HDAC2: variants seen among roughly 807,000 people sequenced by gnomAD.
HDAC2 encodes YY1-associated factor 1.
Under a neutral mutation model 68.5 loss-of-function variants are expected in HDAC2, and 5 were observed. That is an observed-to-expected ratio of 0.07 (90% CI 0.04 to 0.15). The LOEUF (loss-of-function observed/expected upper bound fraction) is 0.15, where lower values mean the gene tolerates loss of function less well. Among genes scored for constraint, HDAC2 ranks in the 10% least tolerant of loss-of-function variants. HDAC2 has a pLI of 1.00. For synonymous variants in HDAC2, 182 were observed against 191.3 expected (o/e 0.95, Z 0.40); for missense variants, 291 against 600.8 (o/e 0.48, Z 5.39).
intron 1 of HDAC2, among the ~76,000 whole-genome samples, chr6:113,960,377 G>GTC (rs1776654397): frequency 6.6e-6 from 1 of 151,884 alleles, no homozygotes; most frequent in East Asian, 1.9e-4. Flanking sequence ...GAGTTTTATT[G>GTC]GTATGATTTA....
chr6:113,948,080 TAGA>T (rs1271837855), intron 8 of HDAC2: 2 of 152,210 alleles, frequency 1.3e-5, no homozygotes, highest in Admixed American at 1.3e-4. Flanking sequence ...TCTTACACCC[TAGA>T]AGTTCATTCC....
Position 113,953,375 on chromosome 6 carries a change from C to T in HDAC2, c.541G>A (p.Gly181Ser). ...TAAAAAGCTTCTTCAACACCATCAC[C>T]ATGATGAATATCTATATCAATATAT... ...VLYIDIDIHH[G>S]DGVEEAFYTT... Residue 181 changes from glycine (G) to serine (S), a missense_variant, in exon 6 of 14, where the codon GGT becomes AGT. By Grantham distance (56) the Gly-to-Ser change is moderately conservative. Transcript: ENST00000519065. 6.4e-7 allele frequency: 1 copy of T among 1,565,674 alleles called. No homozygotes were observed. Among genetic ancestry groups the T allele is most frequent in the Non-Finnish European group, 8.8e-7 (1 of 1,136,402 alleles).
At chr6:113,953,071 A>G (rs1776460515) in intron 6 of HDAC2, among the ~76,000 whole-genome samples, 3 of 152,194 alleles carry the variant, frequency 2.0e-5, no homozygotes, top group Non-Finnish European at 2.9e-5. Flanking sequence ...AACAGCTGAG[A>G]AAAAAACTGT....
intron 1 of HDAC2, chr6:113,969,785 C>T (rs571219105): frequency 2.6e-5 from 4 of 152,246 alleles, no homozygotes; most frequent in South Asian, 4.2e-4. Flanking sequence ...ACACGGTGAC[C>T]TCAAATTTAC....
intron 10 of HDAC2, among the ~76,000 whole-genome samples, 165 bp downstream of exon 10, chr6:113,945,197 T>TAAA (rs34041761): frequency 1.5e-5 from 2 of 134,858 alleles, no homozygotes; most frequent in African/African-American, 5.6e-5. Flanking sequence ...AATTAAAAAT[T>TAAA]AAAAAAAAAA....
intron 11 of HDAC2, 88 bp downstream of exon 11, chr6:113,944,192 T>C: frequency 2.7e-6 from 3 of 1,129,264 alleles, no homozygotes; most frequent in Non-Finnish European, 4.0e-6. Context: ...CTCGTGAACA[T>C]GACTTTATAG....
intron 1 of HDAC2, chr6:113,970,350 A>C (rs1776954204): frequency 1.9e-6 from 1 of 535,272 alleles, no homozygotes; most frequent in South Asian, 7.8e-5. Flanking sequence ...GGCGAGGAGG[A>C]GGGAAGGGGA....
chr6:113,934,150 TA>T lies in HDAC2; in HGVS notation c.*6907del, dbSNP rs1235198932. 6.6e-6 allele frequency: 1 copy of T among 152,136 alleles called. No homozygotes were observed. The highest frequency in any genetic ancestry group is 1.9e-4 in the East Asian group (1 of 5,190). 9.4% of individuals were successfully genotyped at this position (152,136 alleles called of 1,614,324 possible). ...TTCATACCTATTACACATAAAGATA[TA>T]AAGGCATATTTTGGACTTTAAAGAG... On this transcript the variant is annotated 3_prime_UTR_variant, in exon 14 of 14. Coordinates refer to ENST00000519065, the MANE Select transcript of HDAC2 (RefSeq NM_001527.4).
chr6:113,971,059 A>AG lies in HDAC2; in HGVS notation c.-152dup. On this transcript the variant is annotated 5_prime_UTR_variant, in exon 1 of 14. Transcript: ENST00000519065. ...AAGGGCAGGCCGGTGGGAGGAGAGG[A>AG]GGGGGCGCCGGGAAGGCTCGGTACC... The AG allele has an allele frequency of 1.9e-6, 3 of 1,559,994 alleles. No homozygotes were observed. Among genetic ancestry groups the AG allele is most frequent in the South Asian group, 1.2e-5 (1 of 85,504 alleles).
intron 6 of HDAC2, among the ~76,000 whole-genome samples, chr6:113,950,825 C>T (rs908501245): frequency 6.6e-6 from 1 of 152,094 alleles, no homozygotes; most frequent in East Asian, 1.9e-4. Flanking sequence ...TAGCTTCAGT[C>T]CAATTTTACA....
At chr6:113,941,484 C>T (rs1222995878) in intron 13 of HDAC2, among the ~76,000 whole-genome samples, 1 of 152,034 alleles carries the variant, frequency 6.6e-6, no homozygotes, top group Admixed American at 6.5e-5. Flanking sequence ...AGATAAACTA[C>T]GTACAAGAAT....
intron 13 of HDAC2, 38 bp from the exon 14 acceptor site, chr6:113,941,126 C>T (rs763340442): frequency 3.8e-6 from 6 of 1,571,814 alleles, no homozygotes; most frequent in Non-Finnish European, 4.4e-6. Flanking sequence ...AAAAATGGCA[C>T]AATCTTGGTT....
Position 113,956,561 on chromosome 6 carries a change from C to G in HDAC2, c.358+58G>C, listed in dbSNP as rs147434296. ...AAACTTCTGTTTTACACAAATAACC[C>G]GAAAGATAACACACCAAGTTCAGAT... On this transcript the variant is annotated intron_variant, in intron 4 of 13. Transcript: ENST00000519065. 4.9e-4 allele frequency: 580 copies of G among 1,187,840 alleles called. 4 individuals carry two copies. The African/African-American group carries it at 7.9e-3, about 16-fold the overall frequency. 73.6% of individuals were successfully genotyped at this position (1,187,840 alleles called of 1,614,324 possible). A position where few individuals can be genotyped will look rare whatever the true frequency, so the allele number is the denominator to read the frequency against.
At chr6:113,957,336 CCTTTCTTAGT>C (rs1776579374) in intron 3 of HDAC2, 1 of 152,162 alleles carries the variant, frequency 6.6e-6, no homozygotes, top group Non-Finnish European at 1.5e-5. Context: ...TGTATGTAAC[CCTTTCTTAGT>C]CTTTCCCTAT....
At chr6:113,958,297 A>C (rs1291189183) in intron 3 of HDAC2, 1 of 171,496 alleles carries the variant, frequency 5.8e-6, no homozygotes, top group Non-Finnish European at 1.2e-5. Context: ...GACAAGAGAT[A>C]TGTACATGCC....
intron 6 of HDAC2, 66 bp downstream of exon 6, chr6:113,953,211 A>G: frequency 8.8e-7 from 1 of 1,130,120 alleles, no homozygotes; most frequent in Non-Finnish European, 1.3e-6. Flanking sequence ...ATACTACTTC[A>G]AGTATAGGAT....
intron 1 of HDAC2, among the ~76,000 whole-genome samples, chr6:113,965,360 C>CT (rs1409386721): frequency 2.0e-5 from 3 of 150,082 alleles, no homozygotes; most frequent in African/African-American, 2.4e-5. Flanking sequence ...CTCTCTTTTA[C>CT]TTTTTTTGTT....
intron 1 of HDAC2, among the ~76,000 whole-genome samples, chr6:113,966,536 A>G (rs931782988): frequency 1.3e-5 from 2 of 150,270 alleles, no homozygotes; most frequent in African/African-American, 2.5e-5. Context: ...AGCCTGGGCA[A>G]TAAGAGCAAA....
chr6:113,945,230 A>G (rs1776241321), intron 10 of HDAC2, 132 bp downstream of exon 10: 1 of 445,394 alleles, frequency 2.2e-6, no homozygotes, highest in East Asian at 3.6e-5. Context: ...CAGTAACTTA[A>G]TGTTTCAAAT....
Sources: allele counts gnomAD v4.1 joint callset (sites outside exome capture counted in the v4.1 genomes callset), GRCh38; gene constraint gnomAD v4.1.1; transcripts MANE v1.5; gene names NCBI Gene and HGNC (gene_info 2026-07-23, HGNC 2026-07-21).